TMEM132C: variants seen among roughly 807,000 people sequenced by gnomAD.
TMEM132C encodes the protein protein phosphatase 1, regulatory subunit 152.
TMEM132C carries 29 observed loss-of-function variants against 61.4 expected under a neutral mutation model. The ratio of observed to expected loss-of-function variants is 0.47; its 90% confidence interval spans 0.35 to 0.64. The LOEUF (loss-of-function observed/expected upper bound fraction) is 0.64, where lower values mean the gene tolerates loss of function less well. Among genes scored for constraint, TMEM132C ranks in the 30% least tolerant of loss-of-function variants. The pLI, the probability that TMEM132C is intolerant of heterozygous loss-of-function variation, is 0.00. For synonymous variants in TMEM132C, 656 were observed against 633.1 expected (o/e 1.04, Z -0.54); for missense variants, 1,408 against 1,476.9 (o/e 0.95, Z 0.76).
intron 2 of TMEM132C, among the ~76,000 whole-genome samples, chr12:128,536,036 A>G (rs1292431196): frequency 2.0e-5 from 3 of 152,202 alleles, no homozygotes; most frequent in Non-Finnish European, 1.5e-5. Context: ...CAATCCCACT[A>G]CTGGGTGTAT....
intron 1 of TMEM132C, among the ~76,000 whole-genome samples, chr12:128,359,772 G>A (rs1873639182): frequency 6.6e-6 from 1 of 152,080 alleles, no homozygotes; most frequent in South Asian, 2.1e-4. Flanking sequence ...CTTTTCTTGG[G>A]GGATCATGTT....
chr12:128,425,461 C>T (rs1014998956), intron 2 of TMEM132C, among the ~76,000 whole-genome samples: 3 of 152,242 alleles, frequency 2.0e-5, no homozygotes, highest in African/African-American at 4.8e-5. Flanking sequence ...AGCAGAATCG[C>T]TTCTCGACCA....
At chr12:128,353,768 G>C (rs1043014220) in intron 1 of TMEM132C, among the ~76,000 whole-genome samples, 11 of 152,130 alleles carry the variant, frequency 7.2e-5, no homozygotes, top group African/African-American at 2.7e-4. Context: ...TTTCCTCCTG[G>C]TAGTAGTGGC....
chr12:128,631,464 G>A (rs555733500), intron 4 of TMEM132C, among the ~76,000 whole-genome samples: 1 of 152,304 alleles, frequency 6.6e-6, no homozygotes, highest in Admixed American at 6.5e-5. Flanking sequence ...ACCCTTTAGT[G>A]TGGTTCTTCT....
chr12:128,378,323 A>C (rs1200284282), intron 1 of TMEM132C, among the ~76,000 whole-genome samples: 1 of 152,038 alleles, frequency 6.6e-6, no homozygotes, highest in East Asian at 1.9e-4. Context: ...TGACCATGTT[A>C]GCCAGGATGG....
At chr12:128,636,742 C>T (rs910536637) in intron 4 of TMEM132C, among the ~76,000 whole-genome samples, 5 of 152,166 alleles carry the variant, frequency 3.3e-5, no homozygotes, top group African/African-American at 7.2e-5. Context: ...TGAAACTTTA[C>T]ACCCATTGAG....
chr12:128,449,994 G>A (rs1192148012), intron 2 of TMEM132C, among the ~76,000 whole-genome samples: 1 of 152,212 alleles, frequency 6.6e-6, no homozygotes, highest in Non-Finnish European at 1.5e-5. Context: ...CCTAGAGAGG[G>A]ATGTAGGGCC....
chr12:128,293,046 C>G (rs1342832049), intron 1 of TMEM132C, among the ~76,000 whole-genome samples: 1 of 149,906 alleles, frequency 6.7e-6, no homozygotes, highest in Admixed American at 6.6e-5. Flanking sequence ...AATTTGAAAG[C>G]CGGACAGCAA....
At chr12:128,657,918 G>A (rs986359141) in intron 4 of TMEM132C, among the ~76,000 whole-genome samples, 6 of 152,230 alleles carry the variant, frequency 3.9e-5, no homozygotes, top group African/African-American at 1.4e-4. Context: ...GGGATTTTTT[G>A]TAGGTCCTCT....
chr12:128,414,216 A>G (rs1868675398), intron 1 of TMEM132C, among the ~76,000 whole-genome samples: 1 of 152,108 alleles, frequency 6.6e-6, no homozygotes, highest in South Asian at 2.1e-4. Flanking sequence ...GTGAGACCCC[A>G]TCTCTATTAA....
At chr12:128,644,783 A>G (rs958236416) in intron 4 of TMEM132C, among the ~76,000 whole-genome samples, 1 of 152,216 alleles carries the variant, frequency 6.6e-6, no homozygotes, top group African/African-American at 2.4e-5. Flanking sequence ...TGTTGACAAT[A>G]TGAGAGGAGT....
chr12:128,330,219 C>G (rs928969290), intron 1 of TMEM132C, among the ~76,000 whole-genome samples: 5 of 152,168 alleles, frequency 3.3e-5, no homozygotes, highest in Admixed American at 3.3e-4. Flanking sequence ...CCAGCATGTG[C>G]ACATAAAGCC....
chr12:128,630,923 T>C lies in TMEM132C; in HGVS notation c.1305+14588T>C, dbSNP rs539940327. Among the ~76,000 whole-genome samples the C allele has an allele frequency of 3.9e-5, 6 of 152,178 alleles. No homozygotes were observed. In the South Asian group the frequency reaches 1.2e-3, roughly 32 times the overall value. On this transcript the variant is annotated intron_variant, in intron 4 of 8. Coordinates refer to ENST00000435159, the MANE Select transcript of TMEM132C (RefSeq NM_001136103.3). This position sits in a 1 kb window ranked among gnomAD's most constrained non-coding sequence, Gnocchi z 4.3. Reference sequence around the variant, plus strand: ...GGTATGTGCCTGTATTCCCAGCTACTCAGGAGGCTGAGACACGAGAATCGC... The same window carrying C: ...GGTATGTGCCTGTATTCCCAGCTACCCAGGAGGCTGAGACACGAGAATCGC...
At chr12:128,533,340 G>A (rs1202093963) in intron 2 of TMEM132C, among the ~76,000 whole-genome samples, 2 of 152,184 alleles carry the variant, frequency 1.3e-5, no homozygotes, top group African/African-American at 4.8e-5. Context: ...GGCCAGGCCA[G>A]GGGTGGGCTG....
intron 5 of TMEM132C, among the ~76,000 whole-genome samples, chr12:128,683,329 A>C (rs1954650384): frequency 6.6e-6 from 1 of 151,992 alleles, no homozygotes; most frequent in African/African-American, 2.4e-5. Flanking sequence ...TTCTTATTTA[A>C]TTCTCCTGAT....
chr12:128,616,083 A>T, intron 3 of TMEM132C, 69 bp from the exon 4 acceptor site: 1 of 1,482,444 alleles, frequency 6.7e-7, no homozygotes. Context: ...TCTTCTGCGT[A>T]CTATTATGAG....
intron 5 of TMEM132C, among the ~76,000 whole-genome samples, chr12:128,681,208 G>A (rs1411259312): frequency 6.6e-6 from 1 of 152,112 alleles, no homozygotes; most frequent in Non-Finnish European, 1.5e-5. Flanking sequence ...TCAAACTCCT[G>A]ACCTCAAGTG....
intron 4 of TMEM132C, among the ~76,000 whole-genome samples, chr12:128,631,334 C>T (rs983585563): frequency 1.3e-5 from 2 of 152,176 alleles, no homozygotes; most frequent in Non-Finnish European, 1.5e-5. Flanking sequence ...CTTTACTGCA[C>T]AGAGCAGTGA....
intron 3 of TMEM132C, among the ~76,000 whole-genome samples, chr12:128,562,551 C>T (rs1327053035): frequency 6.6e-6 from 1 of 152,194 alleles, no homozygotes; most frequent in Admixed American, 6.5e-5. Context: ...GCAAAGACGC[C>T]TCATTCATCA....
Sources: allele counts gnomAD v4.1 joint callset (sites outside exome capture counted in the v4.1 genomes callset), GRCh38; gene constraint gnomAD v4.1.1; non-coding constraint Gnocchi (gnomAD v3.1); transcripts MANE v1.5; gene names NCBI Gene and HGNC (gene_info 2026-07-23, HGNC 2026-07-21).